SUPT5H: variants seen among roughly 807,000 people sequenced by gnomAD.
The protein encoded by SUPT5H is transcription elongation factor SPT5.
Under a neutral mutation model 142.5 loss-of-function variants are expected in SUPT5H, and 24 were observed. That is an observed-to-expected ratio of 0.17 (90% CI 0.12 to 0.24). SUPT5H has a LOEUF of 0.24. Among genes scored for constraint, SUPT5H ranks in the 10% least tolerant of loss-of-function variants. SUPT5H has a pLI of 1.00. For synonymous variants in SUPT5H, 546 were observed against 553.0 expected, an observed-to-expected ratio of 0.99 and a Z score of 0.18; for missense variants, 893 against 1,471.8, an observed-to-expected ratio of 0.61 and a Z score of 6.43.
Position 39,458,108 on chromosome 19 carries a change from C to A in SUPT5H, c.308-186C>A. On this transcript the variant is annotated intron_variant, in intron 4 of 29. Coordinates refer to ENST00000432763, the MANE Select transcript of SUPT5H (RefSeq NM_001111020.3). The surrounding 1 kb of genome is among the most constrained non-coding windows in gnomAD (Gnocchi z 4.2). ...GCGCCTCATACATTTCGGCTTCTCC[C>A]CAACCACCTGGTGCCTGGCCTTTAC... 1 of 1,065,918 alleles carries A rather than the reference C, an allele frequency of 9.4e-7. No homozygotes were observed. The highest frequency in any genetic ancestry group is 1.3e-6 in the Non-Finnish European group (1 of 756,018). 66.0% of individuals were successfully genotyped at this position (1,065,918 alleles called of 1,614,324 possible). A position where few individuals can be genotyped will look rare whatever the true frequency, so the allele number is the denominator to read the frequency against.
intron 13 of SUPT5H, 139 bp from the exon 14 acceptor site, chr19:39,468,617 C>T (rs2079275265): frequency 4.3e-6 from 3 of 696,800 alleles, no homozygotes; most frequent in African/African-American, 1.8e-5. Context: ...TCACTGCTGC[C>T]AAGAGGGTGT....
chr19:39,451,732 A>G (rs1356949213), intron 2 of SUPT5H, among the ~76,000 whole-genome samples: 1 of 152,132 alleles, frequency 6.6e-6, no homozygotes, highest in East Asian at 1.9e-4. Flanking sequence ...GGGTTTCACC[A>G]CATTGGCTAG....
intron 10 of SUPT5H, among the ~76,000 whole-genome samples, chr19:39,462,935 G>A (rs990281832): frequency 4.4e-4 from 65 of 147,018 alleles, no homozygotes; most frequent in African/African-American, 1.6e-3. Context: ...CACCTCCCGG[G>A]TTCAAGCGAT....
chr19:39,445,644 G>T lies in SUPT5H; in HGVS notation c.-88+7G>T, dbSNP rs749100331. On this transcript the variant is annotated splice_region_variant and intron_variant, in intron 1 of 29. Transcript: ENST00000432763. ...CGGAGGTGGAGCCCGAGAGGTAAGT[G>T]CGTGTGCAGAGGTGGCAGTTCCGGG... is the stretch of plus-strand genomic sequence containing the variant. The T allele has an allele frequency of 1.3e-5, 7 of 540,544 alleles. No homozygotes were observed. The highest frequency in any genetic ancestry group is 2.3e-5 in the Non-Finnish European group (7 of 298,896). 33.5% of individuals were successfully genotyped at this position (540,544 alleles called of 1,614,324 possible). A position where few individuals can be genotyped will look rare whatever the true frequency, so the allele number is the denominator to read the frequency against.
intron 4 of SUPT5H, 147 bp downstream of exon 4, chr19:39,457,887 C>A (rs1424185855): frequency 7.3e-5 from 102 of 1,399,488 alleles, no homozygotes; most frequent in Non-Finnish European, 9.9e-5. Flanking sequence ...CCCAGAGAGA[C>A]CAGCTCCCTG....
In SUPT5H at chr19:39,458,588, G is replaced by A. The variant is rs1208687438; in HGVS notation, c.320-230G>A. Reference sequence around the variant, plus strand: ...AGGGTGTGCCTGGACTTTGAGATGGGAACAGCTGGAAGCCCCCCAACTTGC... The same window carrying A: ...AGGGTGTGCCTGGACTTTGAGATGGAAACAGCTGGAAGCCCCCCAACTTGC... On this transcript the variant is annotated intron_variant, in intron 5 of 29. Coordinates refer to ENST00000432763, the MANE Select transcript of SUPT5H (RefSeq NM_001111020.3). The surrounding 1 kb of genome is among the most constrained non-coding windows in gnomAD (Gnocchi z 4.2). 1.4e-6 allele frequency: 1 copy of A among 697,790 alleles called. No homozygotes were observed. Among genetic ancestry groups the A allele is most frequent in the East Asian group, 2.7e-5 (1 of 36,940 alleles). The allele number at this position is 697,790 out of a possible 1,614,324, so 43.2% of individuals were successfully genotyped here.
rs376046032 is a variant in SUPT5H, at chr19:39,458,309, A to G, written c.319+4A>G. 10 of 1,600,128 alleles carry G rather than the reference A, an allele frequency of 6.2e-6. No homozygotes were observed. The highest frequency in any genetic ancestry group is 8.5e-6 in the Non-Finnish European group (10 of 1,171,724). On this transcript the variant is annotated splice_donor_region_variant and intron_variant, in intron 5 of 29. Coordinates refer to ENST00000432763, the MANE Select transcript of SUPT5H (RefSeq NM_001111020.3). This position sits in a 1 kb window ranked among gnomAD's most constrained non-coding sequence, Gnocchi z 4.2. ...CTCCAAGTAGAAGAGATTGAAGGTAAGAATATGAAAAGTGTGATTCCCTGA... is the reference window on the plus strand; with the variant it reads ...CTCCAAGTAGAAGAGATTGAAGGTAGGAATATGAAAAGTGTGATTCCCTGA...
At position 39,472,964 on chromosome 19, in the gene SUPT5H, G is replaced by T. The variant is rs779695394; in HGVS notation, c.2155+35G>T. 2 of 1,611,556 alleles carry T rather than the reference G, an allele frequency of 1.2e-6. No homozygotes were observed. The highest frequency in any genetic ancestry group is 2.2e-5 in the South Asian group (2 of 90,988). On this transcript the variant is annotated intron_variant, in intron 22 of 29. Coordinates refer to ENST00000432763, the MANE Select transcript of SUPT5H (RefSeq NM_001111020.3). The surrounding 1 kb of genome is among the most constrained non-coding windows in gnomAD (Gnocchi z 4.2). ...GAGGCCTGTGGAGGCCTGGGGAGGGGCATGGTGAAGGAGAGCCTGCCCAGC... is the reference window on the plus strand; with the variant it reads ...GAGGCCTGTGGAGGCCTGGGGAGGGTCATGGTGAAGGAGAGCCTGCCCAGC...
At chr19:39,468,896 G>C in intron 14 of SUPT5H, 35 bp downstream of exon 14, 1 of 1,600,642 alleles carries the variant, frequency 6.2e-7, no homozygotes, top group East Asian at 2.2e-5. Flanking sequence ...TAATGGGGGT[G>C]GTGTGAGTGT....
intron 2 of SUPT5H, among the ~76,000 whole-genome samples, chr19:39,448,416 T>C (rs1396158563): frequency 1.3e-5 from 2 of 152,160 alleles, no homozygotes; most frequent in Non-Finnish European, 2.9e-5. Context: ...GGATTCTTGG[T>C]CTCTGATTCA....
intron 3 of SUPT5H, among the ~76,000 whole-genome samples, chr19:39,454,229 C>T (rs2079057039): frequency 6.6e-6 from 1 of 152,154 alleles, no homozygotes; most frequent in South Asian, 2.1e-4. Flanking sequence ...TTCCAGGTTA[C>T]TGAAAATAGG....
chr19:39,472,515 G>T lies in SUPT5H; in HGVS notation c.2035+22G>T. On this transcript the variant is annotated intron_variant, in intron 21 of 29. Transcript: ENST00000432763. The surrounding 1 kb of genome is among the most constrained non-coding windows in gnomAD (Gnocchi z 4.2). Reference sequence around the variant, plus strand: ...GGAGGTGAGAGGGGTTCAGGGTCAGGGGATGTGGTGGGTAGAAGGGGCTGG... The same window carrying T: ...GGAGGTGAGAGGGGTTCAGGGTCAGTGGATGTGGTGGGTAGAAGGGGCTGG... 1 of 1,612,438 alleles carries T rather than the reference G, an allele frequency of 6.2e-7. No individual in the cohort carries two copies. The highest frequency in any genetic ancestry group is 8.5e-7 in the Non-Finnish European group (1 of 1,178,810).
Position 39,466,655 on chromosome 19 carries a change from C to CAT in SUPT5H, c.967-19_967-18dup. 6.2e-7 allele frequency: 1 copy of CAT among 1,614,126 alleles called. No individual in the cohort carries two copies. Among genetic ancestry groups the CAT allele is most frequent in the Non-Finnish European group, 8.5e-7 (1 of 1,179,960 alleles). On this transcript the variant is annotated intron_variant, in intron 12 of 29. Transcript: ENST00000432763. This position sits in a 1 kb window ranked among gnomAD's most constrained non-coding sequence, Gnocchi z 4.3. The stretch of plus-strand genomic sequence containing the variant: ...AGCCCCCTCCCTCACCCTTCCCACC[C>CAT]ATGCCCCTTTCCTCCATAGAAAGAC...
At chr19:39,459,647 T>G (rs1600707289) in intron 9 of SUPT5H, 58 bp downstream of exon 9, 6 of 1,606,260 alleles carry the variant, frequency 3.7e-6, no homozygotes, top group Non-Finnish European at 5.1e-6. Context: ...GGCTGCTTTG[T>G]GGGGGAGAAG....
rs1368399296 is a variant in SUPT5H at position 39,458,098 on chromosome 19, C to T, written c.308-196C>T. On this transcript the variant is annotated intron_variant, in intron 4 of 29. Coordinates refer to ENST00000432763, the MANE Select transcript of SUPT5H (RefSeq NM_001111020.3). The surrounding 1 kb of genome is among the most constrained non-coding windows in gnomAD (Gnocchi z 4.2). ...TCCGTTCTGTGCGCCTCATACATTT[C>T]GGCTTCTCCCCAACCACCTGGTGCC... The T allele has an allele frequency of 3.8e-5, 35 of 925,160 alleles. No individual in the cohort carries two copies. Among genetic ancestry groups the T allele is most frequent in the Non-Finnish European group, 4.6e-5 (29 of 628,090 alleles). 57.3% of individuals were successfully genotyped at this position (925,160 alleles called of 1,614,324 possible).
At chr19:39,449,078 A>G in intron 2 of SUPT5H, among the ~76,000 whole-genome samples, 1 of 150,840 alleles carries the variant, frequency 6.6e-6, no homozygotes, top group African/African-American at 2.4e-5. Context: ...AGACAGAGCG[A>G]GACTGCATCT....
chr19:39,471,238 G>T, intron 18 of SUPT5H, 119 bp from the exon 19 acceptor site: 1 of 1,246,810 alleles, frequency 8.0e-7, no homozygotes, highest in East Asian at 2.4e-5. Flanking sequence ...GAATTGAGAT[G>T]CCTTGTGGAG....
rs1367799764 is a variant in SUPT5H at position 39,445,638 on chromosome 19, G to A, written c.-88+1G>A. Reference sequence around the variant, plus strand: ...CGAAGGCGGAGGTGGAGCCCGAGAGGTAAGTGCGTGTGCAGAGGTGGCAGT... The same window carrying A: ...CGAAGGCGGAGGTGGAGCCCGAGAGATAAGTGCGTGTGCAGAGGTGGCAGT... On this transcript the variant is annotated splice_donor_variant, in intron 1 of 29. Transcript: ENST00000432763. LOFTEE classifies it low-confidence loss of function (5UTR_SPLICE). The A allele has an allele frequency of 1.9e-6, 1 of 520,104 alleles. No individual in the cohort carries two copies. Among genetic ancestry groups the A allele is most frequent in the Non-Finnish European group, 3.5e-6 (1 of 286,408 alleles). The allele number at this position is 520,104 out of a possible 1,614,324, so 32.2% of individuals were successfully genotyped here.
At chr19:39,451,342 A>G (rs1600695595) in intron 2 of SUPT5H, among the ~76,000 whole-genome samples, 1 of 149,368 alleles carries the variant, frequency 6.7e-6, no homozygotes, top group Admixed American at 6.7e-5. Context: ...GCGTGCCACC[A>G]TGCCTGGCTA....
Sources: allele counts gnomAD v4.1 joint callset (sites outside exome capture counted in the v4.1 genomes callset), GRCh38; gene constraint gnomAD v4.1.1; non-coding constraint Gnocchi (gnomAD v3.1); transcripts MANE v1.5; gene names NCBI Gene and HGNC (gene_info 2026-07-23, HGNC 2026-07-21).